The following NXPE2 variants were observed in gnomAD, a reference collection of about 807,000 sequenced individuals.
The protein encoded by NXPE2 is NXPE family member 2.
In NXPE2, 34 loss-of-function variants were observed where a neutral mutation model predicts 34.4. The observed-to-expected ratio is 0.99, with a 90% CI of 0.75 to 1.31. NXPE2 has a LOEUF of 1.31. NXPE2 is among the 40% of genes most tolerant of loss of function. The pLI is 0.00. For missense variants in NXPE2, 649 were observed against 672.5 expected (o/e 0.97, Z 0.39); for synonymous variants, 235 against 231.3 (o/e 1.02, Z -0.15).
At chr11:114,607,976 G>A in the NXPE2 span, among the ~76,000 whole-genome samples, 1 of 151,416 alleles carries the variant, frequency 6.6e-6, no homozygotes, top group Admixed American at 6.6e-5. Flanking sequence ...GTGTTGCCTC[G>A]TGAGTCACCG....
At chr11:114,657,729 T>C in the NXPE2 span, among the ~76,000 whole-genome samples, 2 of 152,150 alleles carry the variant, frequency 1.3e-5, no homozygotes, top group Admixed American at 6.6e-5. Flanking sequence ...ATAAAAGGCT[T>C]CCTTGTACAA....
chr11:114,572,311 C>T, the NXPE2 span, among the ~76,000 whole-genome samples: 1 of 152,128 alleles, frequency 6.6e-6, no homozygotes, highest in South Asian at 2.1e-4. Flanking sequence ...AAACAAGATT[C>T]TTTAACTCCT....
At chr11:114,690,170 GT>G (rs1951124725) in intron 2 of NXPE2, among the ~76,000 whole-genome samples, 1 of 152,084 alleles carries the variant, frequency 6.6e-6, no homozygotes, top group African/African-American at 2.4e-5. Flanking sequence ...CAATTGAGGG[GT>G]TACTTTATGG....
the NXPE2 span, among the ~76,000 whole-genome samples, chr11:114,629,541 A>G: frequency 6.6e-6 from 1 of 151,966 alleles, no homozygotes; most frequent in Admixed American, 6.6e-5. Context: ...AGAGCTATCT[A>G]TGACAAACCC....
chr11:114,589,324 A>G, the NXPE2 span, among the ~76,000 whole-genome samples: 12,899 of 152,030 alleles, frequency 0.085, 679 homozygotes, highest in Middle Eastern at 0.2. Flanking sequence ...AGGCCCAGGT[A>G]ATTCTGGAAA....
the NXPE2 span, among the ~76,000 whole-genome samples, chr11:114,489,556 T>C: frequency 6.6e-6 from 1 of 152,110 alleles, no homozygotes; most frequent in Non-Finnish European, 1.5e-5. Context: ...GTTCAACATA[T>C]GCAAATCAAT....
the NXPE2 span, among the ~76,000 whole-genome samples, chr11:114,471,665 A>T: frequency 5.3e-5 from 8 of 152,212 alleles, no homozygotes; most frequent in African/African-American, 1.7e-4. Flanking sequence ...TCAAGGCAGC[A>T]GAACAGCTGC....
chr11:114,775,161 G>A, the NXPE2 span, among the ~76,000 whole-genome samples: 1 of 152,190 alleles, frequency 6.6e-6, no homozygotes, highest in African/African-American at 2.4e-5. Context: ...ACCTAAGTGG[G>A]AAGCTACCTG....
chr11:114,591,785 T>C, the NXPE2 span, among the ~76,000 whole-genome samples: 6 of 152,092 alleles, frequency 3.9e-5, no homozygotes, highest in East Asian at 1.2e-3. Context: ...CTAAAAGTAG[T>C]GGCCTACAAA....
the NXPE2 span, among the ~76,000 whole-genome samples, chr11:114,783,679 G>C: frequency 6.6e-6 from 1 of 152,192 alleles, no homozygotes; most frequent in East Asian, 1.9e-4. Flanking sequence ...TGTGTGTATA[G>C]AGGAGATGCG....
chr11:114,791,931 G>A, the NXPE2 span, among the ~76,000 whole-genome samples: 5 of 152,174 alleles, frequency 3.3e-5, no homozygotes, highest in Admixed American at 6.5e-5. Flanking sequence ...GGTGGTGGGC[G>A]CCTGTAGTCA....
At chr11:114,596,478 C>A in the NXPE2 span, among the ~76,000 whole-genome samples, 2 of 152,132 alleles carry the variant, frequency 1.3e-5, no homozygotes, top group Non-Finnish European at 2.9e-5. Context: ...ATCAATCTTT[C>A]CAGTCTTATG....
chr11:114,630,936 C>T, the NXPE2 span, among the ~76,000 whole-genome samples: 3 of 151,488 alleles, frequency 2.0e-5, no homozygotes, highest in Non-Finnish European at 1.5e-5. Context: ...CTCACCATCA[C>T]TGGCCATCAG....
chr11:114,489,142 T>A, the NXPE2 span, among the ~76,000 whole-genome samples: 1 of 151,946 alleles, frequency 6.6e-6, no homozygotes, highest in East Asian at 1.9e-4. Flanking sequence ...ACATACACCC[T>A]CCCAAGACTA....
the NXPE2 span, among the ~76,000 whole-genome samples, chr11:114,606,177 G>A: frequency 6.8e-4 from 103 of 151,390 alleles, 1 homozygote; most frequent in Non-Finnish European, 1.2e-3. Context: ...GTATTGCCTT[G>A]TGGGTAATCA....
At chr11:114,736,072 T>A in the NXPE2 span, among the ~76,000 whole-genome samples, 1 of 152,004 alleles carries the variant, frequency 6.6e-6, no homozygotes, top group East Asian at 1.9e-4. Flanking sequence ...GTCAGAGAGA[T>A]CACATACTTC....
chr11:114,490,427 C>T, the NXPE2 span, among the ~76,000 whole-genome samples: 1 of 152,290 alleles, frequency 6.6e-6, no homozygotes, highest in East Asian at 1.9e-4. Flanking sequence ...AAGCTGGAGG[C>T]ATCACGCTAC....
At chr11:114,532,292 T>C in the NXPE2 span, among the ~76,000 whole-genome samples, 1 of 152,168 alleles carries the variant, frequency 6.6e-6, no homozygotes. Flanking sequence ...AGACAAATCA[T>C]TGGCAATGCC....
chr11:114,702,391 G>T (rs1232154881), intron 3 of NXPE2, among the ~76,000 whole-genome samples: 2 of 152,070 alleles, frequency 1.3e-5, no homozygotes, highest in Admixed American at 6.6e-5. Context: ...AATCTCTTTT[G>T]TTATCCTCAG....
Sources: allele counts gnomAD v4.1 joint callset (sites outside exome capture counted in the v4.1 genomes callset), GRCh38; gene constraint gnomAD v4.1.1; transcripts MANE v1.5; gene names NCBI Gene and HGNC (gene_info 2026-07-23, HGNC 2026-07-21).